Variants in ANK2 observed in about 807,000 individuals in gnomAD.
ANK2 encodes the protein ankyrin-2.
In ANK2, 83 loss-of-function variants were observed where a neutral mutation model predicts 360.5. The observed-to-expected ratio is 0.23, with a 90% CI of 0.19 to 0.28. The LOEUF (loss-of-function observed/expected upper bound fraction) is 0.28. ANK2 is among the 10% of genes least tolerant of loss of function. ANK2 has a pLI of 1.00. For missense variants in ANK2, 4,201 were observed against 4,795.7 expected (o/e 0.88, Z 3.66); for synonymous variants, 1,740 against 1,759.5 (o/e 0.99, Z 0.28).
intron 1 of ANK2, among the ~76,000 whole-genome samples, chr4:112,878,518 G>T (rs1250501496): frequency 1.3e-5 from 2 of 151,954 alleles, no homozygotes; most frequent in Non-Finnish European, 2.9e-5. Flanking sequence ...GTAGAAGGGA[G>T]TTTCACCATG....
intron 2 of ANK2, among the ~76,000 whole-genome samples, chr4:113,187,448 C>T (rs1216527112): frequency 6.6e-6 from 1 of 152,162 alleles, no homozygotes; most frequent in Non-Finnish European, 1.5e-5. Context: ...TTTAACAACT[C>T]TACTTTTAGT....
At chr4:112,819,063 A>C (rs980631121) in intron 1 of ANK2, among the ~76,000 whole-genome samples, 16 of 152,140 alleles carry the variant, frequency 1.1e-4, no homozygotes, top group African/African-American at 3.9e-4. Flanking sequence ...ATGCATCAGG[A>C]ATGATTCTCA....
chr4:112,902,775 G>A (rs1157024443), intron 1 of ANK2, among the ~76,000 whole-genome samples: 1 of 152,178 alleles, frequency 6.6e-6, no homozygotes, highest in Non-Finnish European at 1.5e-5. Flanking sequence ...TTCAGTGTCT[G>A]AATATGTGTT....
intron 34 of ANK2, among the ~76,000 whole-genome samples, chr4:113,344,910 A>G (rs2094668790): frequency 6.6e-6 from 1 of 152,158 alleles, no homozygotes; most frequent in Admixed American, 6.6e-5. Context: ...TAGGGACAGG[A>G]GAAGTGAAGA....
chr4:113,040,299 G>C (rs1357010346), intron 2 of ANK2, among the ~76,000 whole-genome samples: 1 of 152,050 alleles, frequency 6.6e-6, no homozygotes, highest in Non-Finnish European at 1.5e-5. Flanking sequence ...ATAAGACATA[G>C]TTAATCACTA....
intron 45 of ANK2, chr4:113,374,819 C>A: frequency 8.0e-7 from 1 of 1,251,036 alleles, no homozygotes; most frequent in South Asian, 1.4e-5. Flanking sequence ...CAGGCTGAGC[C>A]AGTGGAAGGC....
intron 2 of ANK2, among the ~76,000 whole-genome samples, chr4:112,949,247 GT>G (rs1423301389): frequency 6.6e-6 from 1 of 152,110 alleles, no homozygotes; most frequent in African/African-American, 2.4e-5. Flanking sequence ...CTCCAAAGTG[GT>G]TCACTTGGTC....
chr4:112,875,085 G>A (rs574611098), intron 1 of ANK2, among the ~76,000 whole-genome samples: 2 of 150,254 alleles, frequency 1.3e-5, no homozygotes, highest in South Asian at 4.2e-4. Context: ...TTGCCCAGGC[G>A]ATCTTGGCTC....
chr4:113,278,552 T>A lies in ANK2; in HGVS notation c.1875T>A (p.Thr625=). 3.7e-6 allele frequency: 6 copies of A among 1,613,860 alleles called. No individual in the cohort carries two copies. The South Asian group carries it at 6.6e-5, about 18-fold the overall frequency. The part of the protein sequence containing the change: ...LLEKGASPHA[T]AKNGYTPLHI... ...AGAAGGGTGCTTCCCCTCATGCCAC[T>A]GCCAAGGTGAGGACCACAGAAAAGG... The change falls in exon 17 of 46, where the codon ACT becomes ACA. Residue 625 remains threonine, a synonymous_variant. Transcript: ENST00000357077.
Position 113,277,895 on chromosome 4 carries a change from T to G in ANK2, c.1742T>G (p.Leu581Arg). The G allele has an allele frequency of 1.9e-6, 3 of 1,614,134 alleles. No homozygotes were observed. Among genetic ancestry groups the G allele is most frequent in the Non-Finnish European group, 2.5e-6 (3 of 1,179,962 alleles). ...TATGGAAGCCTGGATGTGGCAAAAC[T>G]TCTCTTGCAACGCCGTGCTGCCGCA... is the stretch of plus-strand genomic sequence containing the variant. ...AKYGSLDVAK[L>R]LLQRRAAADS... The change falls in exon 16 of 46, where the codon CTT (leucine) becomes CGT (arginine). Residue 581 changes from leucine to arginine, a missense_variant. This residue lies in a region of ANK2 where 1,268 missense variants were observed against 1,650.8 expected (regional missense o/e 0.77). Transcript: ENST00000357077.
intron 1 of ANK2, among the ~76,000 whole-genome samples, chr4:112,869,160 G>C (rs978282077): frequency 6.6e-6 from 1 of 152,240 alleles, no homozygotes; most frequent in African/African-American, 2.4e-5. Context: ...TAGAGACAAG[G>C]TCTCACTGTG....
intron 29 of ANK2, among the ~76,000 whole-genome samples, chr4:113,335,613 C>T (rs540459330): frequency 6.6e-6 from 1 of 152,262 alleles, no homozygotes; most frequent in African/African-American, 2.4e-5. Flanking sequence ...TGGAAAGTCA[C>T]TGAGAAGAAA....
intron 42 of ANK2, among the ~76,000 whole-genome samples, chr4:113,368,922 A>G (rs2096632564): frequency 1.3e-5 from 2 of 152,236 alleles, no homozygotes; most frequent in Admixed American, 1.3e-4. Context: ...AAGGCACAGA[A>G]AAGGCCAATA....
At chr4:113,103,249 G>T (rs561305911) in intron 1 of ANK2, among the ~76,000 whole-genome samples, 184 of 152,194 alleles carry the variant, frequency 1.2e-3, no homozygotes, top group African/African-American at 4.3e-3. Flanking sequence ...CAAATACTAT[G>T]ATATGGCTGA....
At chr4:113,246,545 T>A (rs1359709660) in intron 9 of ANK2, among the ~76,000 whole-genome samples, 1 of 152,230 alleles carries the variant, frequency 6.6e-6, no homozygotes, top group African/African-American at 2.4e-5. Context: ...GCATTATTCT[T>A]TTTTTGTTTT....
chr4:113,023,805 T>C lies in ANK2; in HGVS notation c.21+119291T>C, dbSNP rs574622877. The stretch of plus-strand genomic sequence containing the variant: ...CACTTAGTGGATGCTTCATAAATAA[T>C]TGAGAGATAATCAATGAATTTTCTT... On this transcript the variant is annotated intron_variant, in intron 2 of 30. Coordinates refer to the ANK2 transcript ENST00000503271. Among the ~76,000 whole-genome samples, 8 of 152,338 alleles carry C rather than the reference T, an allele frequency of 5.3e-5. No homozygotes were observed. In the East Asian group the frequency reaches 1.3e-3, roughly 26 times the overall value.
intron 2 of ANK2, among the ~76,000 whole-genome samples, chr4:113,041,280 G>C (rs2062880896): frequency 6.6e-6 from 1 of 152,016 alleles, no homozygotes; most frequent in Non-Finnish European, 1.5e-5. Flanking sequence ...TTCACTCCCT[G>C]CATCTCTGGC....
chr4:112,723,562 C>T, the ANK2 span, among the ~76,000 whole-genome samples: 2 of 152,158 alleles, frequency 1.3e-5, no homozygotes, highest in African/African-American at 4.8e-5. Context: ...TGGGGTTTCA[C>T]CATATTGGCC....
At chr4:113,307,412 C>CTTTTTTTTT (rs56756321) in intron 23 of ANK2, among the ~76,000 whole-genome samples, 1 of 91,874 alleles carries the variant, frequency 1.1e-5, no homozygotes, top group Admixed American at 1.2e-4. Flanking sequence ...GCCATTCCAC[C>CTTTTTTTTT]TTTTTTTTTT....
Sources: allele counts gnomAD v4.1 joint callset (sites outside exome capture counted in the v4.1 genomes callset), GRCh38; gene constraint gnomAD v4.1.1; regional missense constraint gnomAD v4.1.1; transcripts MANE v1.5; gene names NCBI Gene and HGNC (gene_info 2026-07-23, HGNC 2026-07-21).